Variants in CDH23 observed in about 807,000 individuals in gnomAD.
CDH23 encodes the protein cadherin-23.
A neutral mutation model predicts 317.1 loss-of-function variants in CDH23; 189 were observed. That is an observed-to-expected ratio of 0.60 (90% CI 0.53 to 0.67). The LOEUF (loss-of-function observed/expected upper bound fraction) is 0.67. CDH23 is among the 30% of genes least tolerant of loss of function. The pLI, the probability that CDH23 is intolerant of heterozygous loss-of-function variation, is 0.00. For missense variants in CDH23, 4,401 were observed against 4,592.4 expected (o/e 0.96, Z 1.20); for synonymous variants, 1,839 against 1,876.8 (o/e 0.98, Z 0.52).
intron 9 of CDH23, among the ~76,000 whole-genome samples, chr10:71,607,356 C>T (rs1220010350): frequency 6.6e-6 from 1 of 152,252 alleles, no homozygotes; most frequent in Non-Finnish European, 1.5e-5. Flanking sequence ...CTCTACCTCT[C>T]ACTGCCTGGA....
chr10:71,606,636 T>C (rs1860540816), intron 9 of CDH23, among the ~76,000 whole-genome samples: 1 of 151,918 alleles, frequency 6.6e-6, no homozygotes, highest in Admixed American at 6.6e-5. Flanking sequence ...TACATTCCAG[T>C]AGGGAGAAAC....
At chr10:71,526,464 G>C (rs1398319966) in intron 6 of CDH23, among the ~76,000 whole-genome samples, 1 of 152,224 alleles carries the variant, frequency 6.6e-6, no homozygotes, top group Non-Finnish European at 1.5e-5. Context: ...ATGGAAAAGG[G>C]CTGCCTGAAG....
At chr10:71,667,024 A>G (rs74357729) in intron 14 of CDH23, among the ~76,000 whole-genome samples, 1,859 of 152,368 alleles carry the variant, frequency 0.012, 16 homozygotes, top group South Asian at 0.025. Flanking sequence ...AACAAATTGT[A>G]CCGCGTGCCC....
intron 1 of CDH23, among the ~76,000 whole-genome samples, chr10:71,437,850 C>T (rs1849686653): frequency 6.6e-6 from 1 of 152,210 alleles, no homozygotes; most frequent in Non-Finnish European, 1.5e-5. Context: ...CAACAGAGAG[C>T]ATGTGGACTC....
intron 16 of CDH23, among the ~76,000 whole-genome samples, chr10:71,678,270 G>A (rs1704139511): frequency 2.6e-5 from 4 of 152,100 alleles, no homozygotes; most frequent in Admixed American, 2.0e-4. Flanking sequence ...CAGCTGGAAG[G>A]AGCCACAGAG....
chr10:71,798,511 G>T lies in CDH23; in HGVS notation c.6987G>T (p.Gly2329=). The T allele has an allele frequency of 6.2e-7, 1 of 1,613,952 alleles. No individual in the cohort carries two copies. Among genetic ancestry groups the T allele is most frequent in the Non-Finnish European group, 8.5e-7 (1 of 1,179,844 alleles). ...TGGACCCTGACAAGGGCCTTAATGG[G>T]CTGGTCACCTACACCCTGCTGGACC... ...AAVDPDKGLN[G]LVTYTLLDLV... The change falls in exon 50 of 70, where the codon GGG becomes GGT. Residue 2329 remains glycine, a synonymous_variant. Transcript: ENST00000224721.
rs754125411 is a variant in CDH23, at chr10:71,812,570, T to G, written c.9471T>G (p.Ser3157Arg). The G allele has an allele frequency of 6.2e-7, 1 of 1,613,688 alleles. No individual in the cohort carries two copies. The highest frequency in any genetic ancestry group is 8.5e-7 in the Non-Finnish European group (1 of 1,179,832). The change falls in exon 67 of 70, where the codon AGT becomes AGG. Residue 3157 changes from serine to arginine, a missense_variant. Transcript: ENST00000224721. Reference protein sequence around the residue: ...EHEDDLPENLSEIADLWNSPT... With the variant: ...EHEDDLPENLREIADLWNSPT... Reference sequence around the variant, plus strand: ...AGGATGACCTACCGGAGAACCTGAGTGAGATCGCCGACCTGTGGAACAGCC... The same window carrying G: ...AGGATGACCTACCGGAGAACCTGAGGGAGATCGCCGACCTGTGGAACAGCC...
rs562590210 is a variant in CDH23 at position 71,815,073 on chromosome 10, G to C, written c.9860G>C (p.Gly3287Ala). The part of the protein sequence containing the change: ...KGPDGIHVVH[G>A]STGTLLATDL... ...CCCGATGGGATCCATGTGGTGCACG[G>C]CAGCACGGGCACGCTGCTGGCCACC... is the stretch of plus-strand genomic sequence containing the variant. The change falls in exon 70 of 70, where the codon GGC (glycine) becomes GCC (alanine). Residue 3287 changes from glycine (G) to alanine (A), a missense_variant. Physicochemically the swap from Gly to Ala is moderately conservative, Grantham distance 60. Transcript: ENST00000224721. 1.2e-6 allele frequency: 2 copies of C among 1,611,534 alleles called. No individual in the cohort carries two copies. The highest frequency in any genetic ancestry group is 2.2e-5 in the South Asian group (2 of 90,752).
At chr10:71,698,574 C>T (rs1381892921) in intron 22 of CDH23, among the ~76,000 whole-genome samples, 1 of 150,716 alleles carries the variant, frequency 6.6e-6, no homozygotes, top group Non-Finnish European at 1.5e-5. Context: ...ACAGGCCTTT[C>T]GTTTCCCTGC....
At chr10:71,734,698 C>T in intron 34 of CDH23, 40 bp downstream of exon 34, 1 of 1,326,342 alleles carries the variant, frequency 7.5e-7, no homozygotes, top group Non-Finnish European at 1.0e-6. Context: ...GTGCTGTTGG[C>T]TGTGGCCAGT....
At chr10:71,620,624 C>T (rs950066631) in intron 11 of CDH23, among the ~76,000 whole-genome samples, 1 of 152,224 alleles carries the variant, frequency 6.6e-6, no homozygotes, top group African/African-American at 2.4e-5. Flanking sequence ...CCCAACCCCA[C>T]CAGGGACCAT....
intron 6 of CDH23, among the ~76,000 whole-genome samples, chr10:71,524,484 C>T (rs1854907727): frequency 6.6e-6 from 1 of 152,154 alleles, no homozygotes; most frequent in Non-Finnish European, 1.5e-5. Flanking sequence ...CAGCTAGGGG[C>T]AAAAGGAGGA....
intron 38 of CDH23, among the ~76,000 whole-genome samples, chr10:71,754,788 C>T (rs1840091188): frequency 6.6e-6 from 1 of 152,100 alleles, no homozygotes; most frequent in African/African-American, 2.4e-5. Context: ...ACTTCTATTC[C>T]CTGGAAAGAG....
At chr10:71,605,984 G>T (rs1386091991) in intron 9 of CDH23, among the ~76,000 whole-genome samples, 3 of 152,178 alleles carry the variant, frequency 2.0e-5, no homozygotes, top group African/African-American at 7.2e-5. Context: ...GAGGACCAGG[G>T]GCCGCCTCTC....
intron 3 of CDH23, among the ~76,000 whole-genome samples, chr10:71,479,213 T>C (rs1363174316): frequency 6.6e-6 from 1 of 152,204 alleles, no homozygotes; most frequent in Non-Finnish European, 1.5e-5. Context: ...CAAACTCATA[T>C]CCAGACTGAT....
rs538079747 is a variant in CDH23, at chr10:71,540,209, A to T, written c.430-26533A>T. The stretch of plus-strand genomic sequence containing the variant: ...GGGGGCCGAGGCTCACGTGCAGACC[A>T]GAGTGCACAATCCTCCTGGGTCTGC... On this transcript the variant is annotated intron_variant, in intron 6 of 69. Transcript: ENST00000224721. Among the ~76,000 whole-genome samples, 8 of 152,270 alleles carry T rather than the reference A, an allele frequency of 5.3e-5. No homozygotes were observed. The East Asian group carries it at 1.4e-3, about 26-fold the overall frequency.
At chr10:71,540,827 G>C (rs368395364) in intron 6 of CDH23, among the ~76,000 whole-genome samples, 2 of 151,976 alleles carry the variant, frequency 1.3e-5, no homozygotes, top group African/African-American at 4.8e-5. Context: ...TGACATAGCC[G>C]ATCAGGCTGG....
chr10:71,612,783 T>C (rs1860978987), intron 9 of CDH23, among the ~76,000 whole-genome samples: 1 of 152,180 alleles, frequency 6.6e-6, no homozygotes. Flanking sequence ...GGCCCTGCAC[T>C]GCCTCTGCTT....
At chr10:71,761,403 T>C (rs1412201696) in intron 38 of CDH23, among the ~76,000 whole-genome samples, 1 of 151,760 alleles carries the variant, frequency 6.6e-6, no homozygotes, top group Admixed American at 6.6e-5. Context: ...ACACCCTCCC[T>C]CTCCATCACT....
Sources: allele counts gnomAD v4.1 joint callset (sites outside exome capture counted in the v4.1 genomes callset), GRCh38; gene constraint gnomAD v4.1.1; transcripts MANE v1.5; gene names NCBI Gene and HGNC (gene_info 2026-07-23, HGNC 2026-07-21).